Variants in HDAC8 observed in about 807,000 individuals in gnomAD.
The protein encoded by HDAC8 is histone deacetylase 8, also known as histone deacetylase-like 1.
Under a neutral mutation model 32.2 loss-of-function variants are expected in HDAC8, and 1 was observed. The observed-to-expected ratio is 0.03, with a 90% CI of 0.01 to 0.15. HDAC8 has a LOEUF of 0.15. HDAC8 is among the 10% of genes least tolerant of loss of function. The pLI, the probability that HDAC8 is intolerant of heterozygous loss-of-function variation, is 1.00. For synonymous variants in HDAC8, 108 were observed against 113.9 expected, an observed-to-expected ratio of 0.95 and a Z score of 0.33; for missense variants, 117 against 300.0, an observed-to-expected ratio of 0.39 and a Z score of 4.51.
At chrX:72,463,008 C>T (rs781986838) in intron 8 of HDAC8, among the ~76,000 whole-genome samples, 8 of 111,604 alleles carry the variant, frequency 7.2e-5, no homozygotes, top group Non-Finnish European at 1.1e-4. Flanking sequence ...CATATGGTCA[C>T]TCTTTTCTTA....
In HDAC8 at chrX:72,572,125, TAAAA is replaced by T. The variant is rs3830710; in HGVS notation, c.112-20_112-17del. The T allele has an allele frequency of 4.0e-6, 4 of 993,194 alleles. No individual in the cohort carries two copies. Among genetic ancestry groups the T allele is most frequent in the Middle Eastern group, 2.8e-4 (1 of 3,630 alleles). The allele number at this position is 993,194 out of a possible 1,213,427, so 81.9% of individuals were successfully genotyped here. On this transcript the variant is annotated splice_polypyrimidine_tract_variant and intron_variant, in intron 1 of 10. Transcript: ENST00000373573. Reference sequence around the variant, plus strand: ...CCATACTGGCCTAAAAACATCAGCGTAAAAAAAAAAAAAGAAAAGCAGAAATAGT... The same window carrying T: ...CCATACTGGCCTAAAAACATCAGCGTAAAAAAAAAGAAAAGCAGAAATAGT...
chrX:72,482,581 A>G (rs2048540677), intron 7 of HDAC8, among the ~76,000 whole-genome samples: 1 of 104,250 alleles, frequency 9.6e-6, no homozygotes, highest in Non-Finnish European at 2.0e-5. Flanking sequence ...GTTCATTTGC[A>G]TAGTTAAATG....
At chrX:72,520,331 C>T (rs1603159356) in intron 4 of HDAC8, among the ~76,000 whole-genome samples, 1 of 112,082 alleles carries the variant, frequency 8.9e-6, no homozygotes, top group East Asian at 2.8e-4. Context: ...ATCCAATTGT[C>T]CCAGCATCAT....
At chrX:72,418,619 T>C (rs1199585158) in intron 9 of HDAC8, among the ~76,000 whole-genome samples, 4 of 111,667 alleles carry the variant, frequency 3.6e-5, no homozygotes, top group Admixed American at 2.8e-4. Flanking sequence ...ATGGAAAGCA[T>C]TATGATGATT....
At chrX:72,380,489 G>A (rs1281870379) in intron 9 of HDAC8, among the ~76,000 whole-genome samples, 2 of 111,845 alleles carry the variant, frequency 1.8e-5, no homozygotes, top group Non-Finnish European at 3.8e-5. Context: ...CACCATGATT[G>A]TAGGCTGTTG....
intron 7 of HDAC8, among the ~76,000 whole-genome samples, chrX:72,477,287 G>A (rs2066284654): frequency 8.9e-6 from 1 of 111,947 alleles, no homozygotes; most frequent in African/African-American, 3.2e-5. Context: ...AAGCCTTGAA[G>A]AATTCACAAT....
chrX:72,458,736 TGTAA>T (rs1315265737), intron 9 of HDAC8, among the ~76,000 whole-genome samples: 5 of 111,994 alleles, frequency 4.5e-5, no homozygotes, highest in Non-Finnish European at 9.4e-5. Flanking sequence ...TGGCACAGAC[TGTAA>T]GTGTTATAGG....
intron 9 of HDAC8, among the ~76,000 whole-genome samples, chrX:72,398,386 C>T (rs1182759718): frequency 3.6e-5 from 4 of 110,717 alleles, no homozygotes; most frequent in African/African-American, 9.9e-5. Context: ...AGTGCAGTGG[C>T]GCAATCATAG....
intron 4 of HDAC8, among the ~76,000 whole-genome samples, chrX:72,526,860 C>T (rs1438663778): frequency 9.0e-6 from 1 of 110,977 alleles, no homozygotes; most frequent in Non-Finnish European, 1.9e-5. Context: ...TAAAACCTCC[C>T]TTTGGCCCCT....
chrX:72,388,971 T>C (rs1430045726), intron 9 of HDAC8, among the ~76,000 whole-genome samples: 2 of 112,298 alleles, frequency 1.8e-5, no homozygotes, highest in Non-Finnish European at 3.8e-5. Flanking sequence ...ATCAAGTTTA[T>C]GGTATTTTGT....
chrX:72,371,256 T>C (rs1555956253), intron 9 of HDAC8, among the ~76,000 whole-genome samples: 1 of 111,743 alleles, frequency 8.9e-6, no homozygotes, highest in African/African-American at 3.3e-5. Flanking sequence ...GATGGGTACA[T>C]GGGGGTTCAT....
At chrX:72,559,355 G>A (rs1556109387) in intron 4 of HDAC8, among the ~76,000 whole-genome samples, 1 of 110,382 alleles carries the variant, frequency 9.1e-6, no homozygotes, top group Non-Finnish European at 1.9e-5. Flanking sequence ...TGCAGATGGA[G>A]TCTCACTCAC....
intron 9 of HDAC8, among the ~76,000 whole-genome samples, chrX:72,425,919 C>T (rs1555975295): frequency 8.9e-6 from 1 of 111,960 alleles, no homozygotes. Context: ...TCCTTTGTGA[C>T]GTGTTCCCTG....
At chrX:72,508,125 G>T (rs1393857089) in intron 4 of HDAC8, among the ~76,000 whole-genome samples, 4 of 112,357 alleles carry the variant, frequency 3.6e-5, no homozygotes, top group African/African-American at 1.3e-4. Flanking sequence ...TAGCATTATA[G>T]ATTTCCAATA....
At chrX:72,341,493 C>T (rs2043886969) in intron 10 of HDAC8, among the ~76,000 whole-genome samples, 1 of 111,950 alleles carries the variant, frequency 8.9e-6, no homozygotes, top group African/African-American at 3.2e-5. Context: ...AACCAAGATG[C>T]TTGTACTTGG....
At chrX:72,417,727 T>A (rs1555972251) in intron 9 of HDAC8, among the ~76,000 whole-genome samples, 1 of 111,848 alleles carries the variant, frequency 8.9e-6, no homozygotes, top group Non-Finnish European at 1.9e-5. Context: ...GTTCTAAAAT[T>A]CATGTAAATC....
intron 9 of HDAC8, among the ~76,000 whole-genome samples, chrX:72,424,639 C>G (rs2046584550): frequency 9.0e-6 from 1 of 111,692 alleles, no homozygotes; most frequent in African/African-American, 3.2e-5. Context: ...ACTGCACAAC[C>G]ATTACCGTTA....
At chrX:72,465,352 G>T (rs985396967) in intron 7 of HDAC8, among the ~76,000 whole-genome samples, 1 of 110,595 alleles carries the variant, frequency 9.0e-6, no homozygotes, top group Non-Finnish European at 1.9e-5. Flanking sequence ...GCACCCTAAA[G>T]AACAAATTGT....
rs899536737 is a variant in HDAC8 at position 72,547,438 on chromosome X, C to A, written c.437+20451G>T. The stretch of plus-strand genomic sequence containing the variant: ...ACTTTCATTTTCTCCTTATTATCTA[C>A]CTTTTCCCTAAGTAATCCCATCCAT... On this transcript the variant is annotated intron_variant, in intron 4 of 10. Coordinates refer to ENST00000373573, the MANE Select transcript of HDAC8 (RefSeq NM_018486.3). Among the ~76,000 whole-genome samples the A allele has an allele frequency of 2.8e-5, 3 of 108,382 alleles. No individual in the cohort carries two copies. The Admixed American group carries it at 3.0e-4, about 11-fold the overall frequency. 94.1% of individuals were successfully genotyped at this position (108,382 alleles called of 115,157 possible).
Sources: gnomAD v4.1 joint callset for allele counts (sites outside exome capture counted in the v4.1 genomes callset) on GRCh38, gnomAD v4.1.1 for gene constraint, MANE v1.5 for transcripts, NCBI Gene and HGNC (gene_info 2026-07-23, HGNC 2026-07-21) for gene names.